ZMYM6: variants seen among roughly 807,000 people sequenced by gnomAD.
ZMYM6 encodes zinc finger MYM-type containing 6, also known as zinc finger MYM-type protein 6.
Under a neutral mutation model 134.0 loss-of-function variants are expected in ZMYM6, and 90 were observed. The observed-to-expected ratio is 0.67, with a 90% CI of 0.57 to 0.80. The LOEUF (loss-of-function observed/expected upper bound fraction) is 0.80, where lower values mean the gene tolerates loss of function less well. Among genes scored for constraint, ZMYM6 ranks in the 30% least tolerant of loss-of-function variants. The probability of loss-of-function intolerance (pLI) is 0.00; values close to 1 mark genes in which losing one functional copy is unlikely to be tolerated. For synonymous variants in ZMYM6, 481 were observed against 524.1 expected, an observed-to-expected ratio of 0.92 and a Z score of 1.12; for missense variants, 1,362 against 1,533.9, an observed-to-expected ratio of 0.89 and a Z score of 1.87.
intron 14 of ZMYM6, among the ~76,000 whole-genome samples, chr1:34,997,356 T>G (rs1640802000): frequency 6.6e-6 from 1 of 152,216 alleles, no homozygotes; most frequent in Non-Finnish European, 1.5e-5. Context: ...CAGACTGGAG[T>G]GCAGTGGCGT....
Position 34,988,575 on chromosome 1 carries a change from G to T in ZMYM6, c.2507C>A (p.Ala836Asp). Residue 836 changes from alanine to aspartate, a missense_variant, in exon 16 of 16, where the codon GCT becomes GAT. Physicochemically the swap from Ala to Asp is moderately radical, Grantham distance 126. This residue lies in a region of ZMYM6 where 824 missense variants were observed against 940.9 expected (regional missense o/e 0.88). Coordinates refer to ENST00000357182, the MANE Select transcript of ZMYM6 (RefSeq NM_007167.4). Reference protein sequence around the residue: ...KSLVKASYLIAFQTAASKKPF... With the variant: ...KSLVKASYLIDFQTAASKKPF... ...CTTCTTGCTTGCAGCAGTTTGGAAAGCAATTAAATAAGAAGCTTTCACAAG... is the reference window on the plus strand; with the variant it reads ...CTTCTTGCTTGCAGCAGTTTGGAAATCAATTAAATAAGAAGCTTTCACAAG... The T allele has an allele frequency of 6.4e-7, 1 of 1,551,066 alleles. No individual in the cohort carries two copies. Among genetic ancestry groups the T allele is most frequent in the Non-Finnish European group, 8.7e-7 (1 of 1,146,884 alleles).
intron 10 of ZMYM6, among the ~76,000 whole-genome samples, 156 bp from the exon 11 acceptor site, chr1:35,009,080 C>G (rs1041951937): frequency 6.6e-6 from 1 of 152,102 alleles, no homozygotes; most frequent in Non-Finnish European, 1.5e-5. Context: ...ATTCACAAAC[C>G]AAACTCATAC....
At position 34,988,900 on chromosome 1, in the gene ZMYM6, G is replaced by A. The variant is rs775166501; in HGVS notation, c.2182C>T (p.Leu728Phe). ...TTTTTCTTTGAAGGTGGAGAATCAA[G>A]TTCTGCATCATTTTTTTCATTAGGC... ...PMPNEKNDAE[L>F]DSPPSKKKRL... Residue 728 changes from leucine to phenylalanine, a missense_variant, in exon 16 of 16, where the codon CTT becomes TTT. By Grantham distance (22) the Leu-to-Phe change is conservative. Coordinates refer to ENST00000357182, the MANE Select transcript of ZMYM6 (RefSeq NM_007167.4). 5 of 1,612,196 alleles carry A rather than the reference G, an allele frequency of 3.1e-6. No individual in the cohort carries two copies. The South Asian group carries it at 4.4e-5, about 14-fold the overall frequency.
chr1:35,015,741 AAAAT>A (rs1171951202), intron 4 of ZMYM6, among the ~76,000 whole-genome samples: 1 of 121,704 alleles, frequency 8.2e-6, no homozygotes, highest in African/African-American at 5.4e-5. Context: ...AAAAAAAAAA[AAAAT>A]ATATATATAT....
chr1:35,028,646 C>T (rs1372208038), intron 2 of ZMYM6, among the ~76,000 whole-genome samples: 1 of 151,464 alleles, frequency 6.6e-6, no homozygotes, highest in African/African-American at 2.4e-5. Context: ...ACTACAGGCG[C>T]CCACCACCAC....
chr1:35,004,336 A>G lies in ZMYM6; in HGVS notation c.1955-331T>C, dbSNP rs991057824. Among the ~76,000 whole-genome samples the G allele has an allele frequency of 4.6e-5, 7 of 152,318 alleles. No individual in the cohort carries two copies. In the East Asian group the frequency reaches 1.3e-3, roughly 29 times the overall value. ...GAGCCTGCCTGATTAAAAAGAAAAC[A>G]AACAAATTAGCCCAGTGTGGTGGCC... On this transcript the variant is annotated intron_variant, in intron 13 of 15. Transcript: ENST00000357182.
Position 35,028,561 on chromosome 1 carries a change from G to A in ZMYM6, c.93+1986C>T, listed in dbSNP as rs562374117. ...GTCACCCAGGCTAGAGTGCAGTGGC[G>A]CAATCTTGGCTCACTGCAAGCTCCG... On this transcript the variant is annotated intron_variant, in intron 2 of 15. Transcript: ENST00000357182. 5.3e-5 allele frequency among the ~76,000 whole-genome samples: 8 copies of A among 150,956 alleles called. No individual in the cohort carries two copies. In the East Asian group the frequency reaches 6.3e-4, roughly 12 times the overall value.
In ZMYM6 at chr1:35,015,002, G is replaced by A; in HGVS notation, c.589C>T (p.Gln197Ter). 6.2e-7 allele frequency: 1 copy of A among 1,611,974 alleles called. No homozygotes were observed. Among genetic ancestry groups the A allele is most frequent in the Non-Finnish European group, 8.5e-7 (1 of 1,179,576 alleles). Residue 197 changes from glutamine (Q) to a stop codon, truncating the protein, a stop_gained, in exon 5 of 16, where the codon CAG (glutamine) becomes TAG (stop). Transcript: ENST00000357182. LOFTEE classifies it high-confidence loss of function. ...ATGTAACTTACATCAGCATTCTTCTGACACATACTGCACTTAGTTGAAATG... is the reference window on the plus strand; with the variant it reads ...ATGTAACTTACATCAGCATTCTTCTAACACATACTGCACTTAGTTGAAATG... Reference protein sequence around the residue: ...KSISTKCSMCQKNADTRFEVK... With the variant: ...KSISTKCSMC
In ZMYM6 at chr1:34,987,403, G is replaced by T; in HGVS notation, c.3679C>A (p.Leu1227Ile). Residue 1227 changes from leucine to isoleucine, a missense_variant, in exon 16 of 16, where the codon CTC (leucine) becomes ATC (isoleucine). Leu to Ile is a conservative substitution (Grantham distance 5). This residue lies in a region of ZMYM6 where 824 missense variants were observed against 940.9 expected (regional missense o/e 0.88). Coordinates refer to ENST00000357182, the MANE Select transcript of ZMYM6 (RefSeq NM_007167.4). ...HPFMNHQNNN[L>I]TDFEEEKLTE... Reference sequence around the variant, plus strand: ...AGCTTTTCTTCTTCGAAGTCGGTGAGATTATTATTTTGGTGATTCATAAAA... The same window carrying T: ...AGCTTTTCTTCTTCGAAGTCGGTGATATTATTATTTTGGTGATTCATAAAA... The T allele has an allele frequency of 1.9e-6, 3 of 1,614,058 alleles. No individual in the cohort carries two copies. Among genetic ancestry groups the T allele is most frequent in the Non-Finnish European group, 2.5e-6 (3 of 1,180,008 alleles).
At position 35,005,338 on chromosome 1, in the gene ZMYM6, C is replaced by T; in HGVS notation, c.1814-66G>A. On this transcript the variant is annotated intron_variant, in intron 12 of 15. Coordinates refer to ENST00000357182, the MANE Select transcript of ZMYM6 (RefSeq NM_007167.4). ...GGTCTCTCTCTCATACACACTCACA[C>T]TCACACACAAAACCCTGTTTAGTAA... 2.0e-6 allele frequency: 3 copies of T among 1,526,514 alleles called. No homozygotes were observed. The Admixed American group carries it at 5.8e-5, about 30-fold the overall frequency. The allele number at this position is 1,526,514 out of a possible 1,614,324, so 94.6% of individuals were successfully genotyped here. A position where few individuals can be genotyped will look rare whatever the true frequency, so the allele number is the denominator to read the frequency against.
intron 4 of ZMYM6, among the ~76,000 whole-genome samples, chr1:35,015,743 A>AAAAAAAAAAAAATATAT: frequency 2.0e-4 from 21 of 106,454 alleles, no homozygotes; most frequent in African/African-American, 1.3e-3. Context: ...AAAAAAAAAA[A>AAAAAAAAAAAAATATAT]ATATATATAT....
chr1:34,990,237 T>G (rs1283261566), intron 15 of ZMYM6: 1 of 228,566 alleles, frequency 4.4e-6, no homozygotes, highest in Middle Eastern at 1.7e-3. Flanking sequence ...TCCCAGCACT[T>G]TGGGAGGCTG....
intron 2 of ZMYM6, among the ~76,000 whole-genome samples, chr1:35,025,466 CAAAAAAAAAAAAAA>C (rs1161814959): frequency 1.8e-5 from 1 of 55,008 alleles, no homozygotes; most frequent in Non-Finnish European, 3.9e-5. Flanking sequence ...GACTCCATCC[CAAAAAAAAAAAAAA>C]AAAAAAAAGA....
intron 14 of ZMYM6, among the ~76,000 whole-genome samples, chr1:34,992,732 C>T (rs12075760): frequency 0.042 from 4,196 of 99,996 alleles, 938 homozygotes; most frequent in African/African-American, 0.34. Flanking sequence ...TAAAAATATA[C>T]TTATAAACTA....
At chr1:35,002,809 A>T (rs1640901726) in intron 14 of ZMYM6, among the ~76,000 whole-genome samples, 2 of 152,192 alleles carry the variant, frequency 1.3e-5, no homozygotes, top group African/African-American at 4.8e-5. Flanking sequence ...ACCACTTAAT[A>T]TAACACTTAA....
In ZMYM6 at chr1:34,987,350, T is replaced by TA; in HGVS notation, c.3731dup (p.Leu1244PhefsTer6). On this transcript the variant is annotated frameshift_variant, in exon 16 of 16. Coordinates refer to ENST00000357182, the MANE Select transcript of ZMYM6 (RefSeq NM_007167.4). LOFTEE classifies it high-confidence loss of function. ...CAGACACTGATTTAAATAGTGCTTG[T>TA]AATCCTAAATCTGAAGATAGCTCTG... The TA allele has an allele frequency of 6.2e-7, 1 of 1,613,838 alleles. No individual in the cohort carries two copies. The highest frequency in any genetic ancestry group is 8.5e-7 in the Non-Finnish European group (1 of 1,179,938).
At chr1:34,993,844 C>T (rs917752085) in intron 14 of ZMYM6, among the ~76,000 whole-genome samples, 15 of 151,858 alleles carry the variant, frequency 9.9e-5, no homozygotes, top group African/African-American at 3.1e-4. Context: ...CCACCACGCC[C>T]GGCTAATTTT....
At position 34,987,396 on chromosome 1, in the gene ZMYM6, T is replaced by G; in HGVS notation, c.3686A>C (p.Asp1229Ala). 6.2e-7 allele frequency: 1 copy of G among 1,614,106 alleles called. No individual in the cohort carries two copies. The highest frequency in any genetic ancestry group is 8.5e-7 in the Non-Finnish European group (1 of 1,180,014). The change falls in exon 16 of 16, where the codon GAC becomes GCC. Residue 1229 changes from aspartate to alanine, a missense_variant. Physicochemically the swap from Asp to Ala is moderately radical, Grantham distance 126. Transcript: ENST00000357182. The stretch of plus-strand genomic sequence containing the variant: ...CTCTGTTAGCTTTTCTTCTTCGAAG[T>G]CGGTGAGATTATTATTTTGGTGATT... ...FMNHQNNNLT[D>A]FEEEKLTELS...
chr1:35,015,789 A>C (rs144600325), intron 4 of ZMYM6, among the ~76,000 whole-genome samples: 71 of 148,676 alleles, frequency 4.8e-4, no homozygotes, highest in African/African-American at 1.7e-3. Flanking sequence ...GAAGACAAAA[A>C]TAGGAAGGCT....
Sources: gnomAD v4.1 joint callset for allele counts (sites outside exome capture counted in the v4.1 genomes callset) on GRCh38, gnomAD v4.1.1 for gene constraint, gnomAD v4.1.1 regional missense constraint, MANE v1.5 for transcripts, NCBI Gene and HGNC (gene_info 2026-07-23, HGNC 2026-07-21) for gene names.